NT5DC3: variants seen among roughly 807,000 people sequenced by gnomAD.
The protein encoded by NT5DC3 is 5'-nucleotidase domain-containing protein 3.
A neutral mutation model predicts 67.8 loss-of-function variants in NT5DC3; 42 were observed. The ratio of observed to expected loss-of-function variants is 0.62; its 90% CI spans 0.48 to 0.80. The LOEUF is 0.80. NT5DC3 is among the 30% of genes least tolerant of loss of function. The pLI is 0.00. For synonymous variants in NT5DC3, 237 were observed against 255.6 expected (o/e 0.93, Z 0.69); for missense variants, 570 against 696.4 (o/e 0.82, Z 2.04).
downstream of NT5DC3, among the ~76,000 whole-genome samples, chr12:103,767,321 C>T (rs966456543): frequency 2.0e-5 from 3 of 152,178 alleles, no homozygotes; most frequent in Non-Finnish European, 4.4e-5. Flanking sequence ...CAAAGGACCA[C>T]ATATCATATG....
intron 5 of NT5DC3, among the ~76,000 whole-genome samples, chr12:103,797,774 G>A (rs1285759001): frequency 6.6e-6 from 1 of 152,178 alleles, no homozygotes. Flanking sequence ...GCCCTTCTCT[G>A]AATACTTGCG....
the NT5DC3 span, chr12:103,762,478 C>A: frequency 1.2e-6 from 2 of 1,602,746 alleles, no homozygotes; most frequent in East Asian, 2.2e-5. Flanking sequence ...CTGCTTCAGT[C>A]GGTGGCTGCG....
At chr12:103,750,043 T>G in the NT5DC3 span, among the ~76,000 whole-genome samples, 1 of 152,116 alleles carries the variant, frequency 6.6e-6, no homozygotes, top group Non-Finnish European at 1.5e-5. Context: ...TTTTCTCATT[T>G]GTAAAGTGGG....
At chr12:103,759,120 C>T in the NT5DC3 span, 3 of 1,614,144 alleles carry the variant, frequency 1.9e-6, no homozygotes, top group South Asian at 1.1e-5. Flanking sequence ...CTGTGTTTCT[C>T]CTTTTTTCTC....
intron 10 of NT5DC3, among the ~76,000 whole-genome samples, chr12:103,788,371 A>G (rs1414730773): frequency 6.6e-6 from 1 of 152,234 alleles, no homozygotes; most frequent in African/African-American, 2.4e-5. Context: ...ACTTCAACTC[A>G]GGAGGTTGAG....
rs11111771 is a variant in NT5DC3 at position 103,785,493 on chromosome 12, G to A, written c.1189-18C>T. On this transcript the variant is annotated intron_variant, in intron 11 of 13. Coordinates refer to ENST00000392876, the MANE Select transcript of NT5DC3 (RefSeq NM_001031701.3). ...GTCAAATCCTGATCACAAAGATCAC[G>A]AAAAGTCAACGTCAGTCTCAACAGA... 0.27 allele frequency: 429,640 copies of A among 1,611,024 alleles called. 60,958 individuals are homozygous for A. Among genetic ancestry groups the A allele is most frequent in the South Asian group, 0.45 (40,750 of 90,970 alleles).
At chr12:103,799,632 C>T (rs1432489451) in intron 4 of NT5DC3, among the ~76,000 whole-genome samples, 4 of 152,074 alleles carry the variant, frequency 2.6e-5, no homozygotes, top group East Asian at 3.9e-4. Flanking sequence ...TGGGAATTGC[C>T]ACACCCAACG....
In NT5DC3 at chr12:103,788,856, T is replaced by G; in HGVS notation, c.1083A>C (p.Lys361Asn). The G allele has an allele frequency of 6.2e-7, 1 of 1,612,836 alleles. No individual in the cohort carries two copies. The highest frequency in any genetic ancestry group is 8.5e-7 in the Non-Finnish European group (1 of 1,178,798). Residue 361 changes from lysine (K) to asparagine (N), a missense_variant, in exon 10 of 14, where the codon AAA becomes AAC. Physicochemically the swap from Lys to Asn is moderately conservative, Grantham distance 94. This residue lies in a region of NT5DC3 where 466 missense variants were observed against 608.0 expected (regional missense o/e 0.77). Transcript: ENST00000392876. ...LLWDKIHKLQ[K>N]GQIYKQGNLY... is the part of the protein sequence containing the mutation. ...GAGATACCTGCTTGTATATCTGGCC[T>G]TTCTGCAACTTATGGATTTTATCCC...
chr12:103,828,903 T>A (rs1308106255), intron 1 of NT5DC3, among the ~76,000 whole-genome samples: 4 of 152,142 alleles, frequency 2.6e-5, no homozygotes, highest in African/African-American at 9.7e-5. Flanking sequence ...TTCACCATGT[T>A]GGCCAGGCTG....
Position 103,777,440 on chromosome 12 carries a change from C to A in NT5DC3, c.*389G>T. ...GCCCATCACTGTGCCCCTGCAGTTCCCAATGCATAGCCCGTAAATGTTCAG... is the reference window on the plus strand; with the variant it reads ...GCCCATCACTGTGCCCCTGCAGTTCACAATGCATAGCCCGTAAATGTTCAG... On this transcript the variant is annotated 3_prime_UTR_variant, in exon 14 of 14. Coordinates refer to ENST00000392876, the MANE Select transcript of NT5DC3 (RefSeq NM_001031701.3). 2 of 191,484 alleles carry A rather than the reference C, an allele frequency of 1.0e-5. No individual in the cohort carries two copies. Among genetic ancestry groups the A allele is most frequent in the South Asian group, 2.5e-4 (2 of 7,868 alleles). The allele number at this position is 191,484 out of a possible 1,614,324, so 11.9% of individuals were successfully genotyped here.
In NT5DC3 at chr12:103,793,493, A is replaced by C; in HGVS notation, c.834T>G (p.Ala278=). ...EADIEKYICY[A]EQTRAVLAKL... is the part of the protein sequence containing the mutation. The stretch of plus-strand genomic sequence containing the variant: ...TGGCCAACACTGCGCGGGTCTGCTC[A>C]GCATAGCAGATGTACTTTTCTAAGA... The change falls in exon 8 of 14, where the codon GCT becomes GCG. Residue 278 remains alanine (A), a synonymous_variant. Coordinates refer to ENST00000392876, the MANE Select transcript of NT5DC3 (RefSeq NM_001031701.3). 1 of 1,613,490 alleles carries C rather than the reference A, an allele frequency of 6.2e-7. No homozygotes were observed. The highest frequency in any genetic ancestry group is 8.5e-7 in the Non-Finnish European group (1 of 1,179,472).
chr12:103,810,732 A>G (rs964361115), intron 2 of NT5DC3, among the ~76,000 whole-genome samples: 1 of 152,168 alleles, frequency 6.6e-6, no homozygotes, highest in Admixed American at 6.5e-5. Context: ...AAGCAAAGTT[A>G]ATACCAAAAT....
chr12:103,772,098 C>T (rs1018575946), downstream of NT5DC3, among the ~76,000 whole-genome samples: 1 of 151,944 alleles, frequency 6.6e-6, no homozygotes, highest in African/African-American at 2.4e-5. Context: ...TTTGAGCTTT[C>T]CCCAAAAAAG....
At chr12:103,748,927 G>A in the NT5DC3 span, 1 of 1,590,082 alleles carries the variant, frequency 6.3e-7, no homozygotes, top group East Asian at 2.2e-5. Flanking sequence ...TCCACAGAAG[G>A]TGGTAAGTTG....
chr12:103,797,464 C>T (rs1183249486), intron 5 of NT5DC3, among the ~76,000 whole-genome samples: 2 of 140,432 alleles, frequency 1.4e-5, no homozygotes, highest in East Asian at 4.9e-4. Flanking sequence ...GAGCAAAACT[C>T]TGCCTTAAAA....
chr12:103,757,860 G>T, the NT5DC3 span: 1 of 376,548 alleles, frequency 2.7e-6, no homozygotes, highest in South Asian at 2.9e-5. Flanking sequence ...TCCTCTGAGT[G>T]AAGTGGGGGG....
rs116889473 is a variant in NT5DC3 at position 103,816,763 on chromosome 12, C to T, written c.209-1642G>A. Among the ~76,000 whole-genome samples the T allele has an allele frequency of 1.1e-3, 172 of 152,178 alleles. 1 individual carries two copies. In the East Asian group the frequency reaches 0.03, roughly 26 times the overall value. On this transcript the variant is annotated intron_variant, in intron 1 of 13. Transcript: ENST00000392876. ...TTAGAATTATTTCATCATTACCTCTCAATTATTGCCACCTATGATTTTTTA... is the reference window on the plus strand; with the variant it reads ...TTAGAATTATTTCATCATTACCTCTTAATTATTGCCACCTATGATTTTTTA...
At chr12:103,819,910 C>T (rs1887422199) in intron 1 of NT5DC3, among the ~76,000 whole-genome samples, 1 of 152,246 alleles carries the variant, frequency 6.6e-6, no homozygotes, top group Non-Finnish European at 1.5e-5. Flanking sequence ...AAAACTGAAA[C>T]TCTGTACCCA....
At chr12:103,760,075 G>A in the NT5DC3 span, among the ~76,000 whole-genome samples, 1 of 152,134 alleles carries the variant, frequency 6.6e-6, no homozygotes. Context: ...GATCCATTTC[G>A]TCATCTACTC....
Sources: gnomAD v4.1 joint callset for allele counts (sites outside exome capture counted in the v4.1 genomes callset) on GRCh38, gnomAD v4.1.1 for gene constraint, gnomAD v4.1.1 regional missense constraint, MANE v1.5 for transcripts, NCBI Gene and HGNC (gene_info 2026-07-23, HGNC 2026-07-21) for gene names.